Variants in PRDM16 observed in about 807,000 individuals in gnomAD.
PRDM16 encodes histone-lysine N-methyltransferase PRDM16.
In PRDM16, 23 loss-of-function variants were observed where a neutral mutation model predicts 110.6. The observed-to-expected ratio is 0.21, with a 90% CI of 0.15 to 0.29. The LOEUF is 0.29. PRDM16 is among the 10% of genes least tolerant of loss of function. PRDM16 has a pLI of 1.00. For synonymous variants in PRDM16, 799 were observed against 781.8 expected, an observed-to-expected ratio of 1.02 and a Z score of -0.37; for missense variants, 1,615 against 1,794.3, an observed-to-expected ratio of 0.90 and a Z score of 1.81.
rs111941896 is a variant in PRDM16, at chr1:3,114,315, G to A, written c.37+45019G>A. On this transcript the variant is annotated intron_variant, in intron 1 of 16. Coordinates refer to ENST00000270722, the MANE Select transcript of PRDM16 (RefSeq NM_022114.4). ...GAAACGCACACGCACGCACACACAC[G>A]CACACACGCAGTGTAAACAGACGCG... Among the ~76,000 whole-genome samples, 57 of 109,400 alleles carry A rather than the reference G, an allele frequency of 5.2e-4. 1 individual carries two copies. The highest frequency in any genetic ancestry group is 1.7e-3 in the African/African-American group (49 of 28,100). 71.8% of individuals were successfully genotyped at this position (109,400 alleles called of 152,430 possible). A position where few individuals can be genotyped will look rare whatever the true frequency, so the allele number is the denominator to read the frequency against.
intron 1 of PRDM16, among the ~76,000 whole-genome samples, chr1:3,137,385 CAT>C (rs1197851812): frequency 6.6e-6 from 1 of 152,186 alleles, no homozygotes; most frequent in Non-Finnish European, 1.5e-5. Context: ...AAAGCCTCAT[CAT>C]GTGTGAGAGA....
Position 3,244,118 on chromosome 1 carries a change from A to T in PRDM16, c.419A>T (p.Gln140Leu). Residue 140 changes from glutamine (Q) to leucine (L), a missense_variant, in exon 3 of 17, where the codon CAG (glutamine) becomes CTG (leucine). This residue lies in a region of PRDM16 where 416 missense variants were observed against 467.1 expected (regional missense o/e 0.89). Coordinates refer to ENST00000270722, the MANE Select transcript of PRDM16 (RefSeq NM_022114.4). This position sits in a 1 kb window ranked among gnomAD's most constrained non-coding sequence, Gnocchi z 4.1. ...QILTDVEVSP[Q>L]EGCITKISED... ...CTGACGGACGTGGAAGTGTCGCCCC[A>T]GGAAGGCTGCATCACAAAGGTAGGA... 1 of 1,613,944 alleles carries T rather than the reference A, an allele frequency of 6.2e-7. No individual in the cohort carries two copies.
rs1236995508 is a variant in PRDM16, at chr1:3,350,755, C to T, written c.439-34397C>T. On this transcript the variant is annotated intron_variant, in intron 3 of 16. Transcript: ENST00000270722. This position sits in a 1 kb window ranked among gnomAD's most constrained non-coding sequence, Gnocchi z 7.1. The stretch of plus-strand genomic sequence containing the variant: ...CCCTCCCAGGACAAGAGCTTTGTGT[C>T]TGCCGACTTCTTCCCAATGCCGCGT... 1.3e-5 allele frequency among the ~76,000 whole-genome samples: 2 copies of T among 152,166 alleles called. No homozygotes were observed. The highest frequency in any genetic ancestry group is 2.9e-5 in the Non-Finnish European group (2 of 68,036).
chr1:3,408,779 GGCGCGTGAGCCGGTGCGTGTGTGTGA>G (rs1557658686), intron 8 of PRDM16, among the ~76,000 whole-genome samples: 2 of 139,982 alleles, frequency 1.4e-5, no homozygotes, highest in East Asian at 4.4e-4. Flanking sequence ...CATGAGTGTG[GGCGCGTGAGCCGGTGCGTGTGTGTGA>G]GCGCGTGTGG....
intron 1 of PRDM16, among the ~76,000 whole-genome samples, chr1:3,090,272 T>C (rs1053690866): frequency 6.6e-6 from 1 of 152,186 alleles, no homozygotes; most frequent in Non-Finnish European, 1.5e-5. Flanking sequence ...GGCTTGACAC[T>C]GAGGGCTGTG....
chr1:3,312,793 AT>A (rs1641495143), intron 3 of PRDM16, among the ~76,000 whole-genome samples: 1 of 152,322 alleles, frequency 6.6e-6, no homozygotes, highest in Non-Finnish European at 1.5e-5. Context: ...GAGATTCAAC[AT>A]TTTTTCCAGA....
intron 3 of PRDM16, among the ~76,000 whole-genome samples, chr1:3,352,688 C>A (rs1642518207): frequency 6.6e-6 from 1 of 152,196 alleles, no homozygotes; most frequent in South Asian, 2.1e-4. Flanking sequence ...ACTGTCAGGC[C>A]GTTCAGGCCC....
chr1:3,417,945 C>G lies in PRDM16; in HGVS notation c.2809C>G (p.Pro937Ala), dbSNP rs374972823. 5.6e-5 allele frequency: 91 copies of G among 1,613,174 alleles called. No individual in the cohort carries two copies. In the African/African-American group the frequency reaches 8.9e-4, roughly 16 times the overall value. ...CCCCTTCAACTTCCGGTCCCCACCC[C>G]CAACGCTCTCCGACCCCATCCTCAG... ...HHPFNFRSPP[P>A]TLSDPILRKG... The change falls in exon 11 of 17, where the codon CCA becomes GCA. Residue 937 changes from proline (P) to alanine (A), a missense_variant. Around this residue, in one of 5 missense-constraint regions of PRDM16, gnomAD observed 772 missense variants for 748.3 expected, o/e 1.03. Transcript: ENST00000270722.
chr1:3,402,396 A>AT (rs1156705071), intron 5 of PRDM16, among the ~76,000 whole-genome samples: 2 of 152,234 alleles, frequency 1.3e-5, no homozygotes, highest in Non-Finnish European at 2.9e-5. Context: ...ATAATTTATT[A>AT]TATGCACTGG....
intron 3 of PRDM16, among the ~76,000 whole-genome samples, chr1:3,337,465 T>G (rs1418498295): frequency 6.6e-6 from 1 of 152,198 alleles, no homozygotes; most frequent in African/African-American, 2.4e-5. Flanking sequence ...GTGCTTGATT[T>G]CTAAAGCTGG....
rs1557510357 is a variant in PRDM16 at position 3,181,756 on chromosome 1, GGTCTTACACACAGTCTTACACATGCA to G, written c.38-4358_38-4333del. ...GTCTTACACACGGAGTCTTACACAC[GGTCTTACACACAGTCTTACACATGCA>G]GTCTTACACATGCAGTCTTACACAC... On this transcript the variant is annotated intron_variant, in intron 1 of 16. Transcript: ENST00000270722. 7.2e-4 allele frequency among the ~76,000 whole-genome samples: 45 copies of G among 62,458 alleles called. 1 individual carries two copies. The highest frequency in any genetic ancestry group is 1.6e-3 in the African/African-American group (45 of 28,176). The allele number at this position is 62,458 out of a possible 152,430, so 41.0% of individuals were successfully genotyped here.
chr1:3,104,984 G>T (rs1305555697), intron 1 of PRDM16, among the ~76,000 whole-genome samples: 1 of 152,112 alleles, frequency 6.6e-6, no homozygotes, highest in African/African-American at 2.4e-5. Flanking sequence ...AGGCAGGATG[G>T]ACTGTTCTGG....
intron 3 of PRDM16, among the ~76,000 whole-genome samples, chr1:3,260,450 T>C (rs1313660895): frequency 1.3e-5 from 2 of 152,144 alleles, no homozygotes; most frequent in African/African-American, 4.8e-5. Flanking sequence ...AATTTCTTCG[T>C]CTGTAAAGTG....
rs955268496 is a variant in PRDM16 at position 3,244,510 on chromosome 1, G to C, written c.438+373G>C. Among the ~76,000 whole-genome samples the C allele has an allele frequency of 3.3e-5, 5 of 152,174 alleles. No individual in the cohort carries two copies. Among genetic ancestry groups the C allele is most frequent in the Admixed American group, 2.0e-4 (3 of 15,282 alleles). Reference sequence around the variant, plus strand: ...TCTTTGCTGGATACTCTCATGAAAAGAATATGGGGAAGAATTGGCTGCAGA... The same window carrying C: ...TCTTTGCTGGATACTCTCATGAAAACAATATGGGGAAGAATTGGCTGCAGA... On this transcript the variant is annotated intron_variant, in intron 3 of 16. Coordinates refer to ENST00000270722, the MANE Select transcript of PRDM16 (RefSeq NM_022114.4). This position sits in a 1 kb window ranked among gnomAD's most constrained non-coding sequence, Gnocchi z 4.1.
chr1:3,218,019 C>G (rs1166751182), intron 2 of PRDM16, among the ~76,000 whole-genome samples: 1 of 152,246 alleles, frequency 6.6e-6, no homozygotes. Flanking sequence ...TAAATCACCC[C>G]TCATCCAACA....
intron 1 of PRDM16, among the ~76,000 whole-genome samples, chr1:3,113,079 T>C (rs549124214): frequency 6.6e-6 from 1 of 152,366 alleles, no homozygotes; most frequent in African/African-American, 2.4e-5. Flanking sequence ...AGCCAGCCTC[T>C]GTGATACTGG....
chr1:3,162,341 C>T (rs746971277), intron 1 of PRDM16, among the ~76,000 whole-genome samples: 44 of 152,320 alleles, frequency 2.9e-4, no homozygotes, highest in Non-Finnish European at 4.7e-4. Context: ...GACTCTGCCT[C>T]CCTCCTCCCG....
At position 3,290,002 on chromosome 1, in the gene PRDM16, C is replaced by G. The variant is rs1238398724; in HGVS notation, c.438+45865C>G. Among the ~76,000 whole-genome samples, 1 of 151,686 alleles carries G rather than the reference C, an allele frequency of 6.6e-6. No homozygotes were observed. The highest frequency in any genetic ancestry group is 2.0e-4 in the East Asian group (1 of 4,946). ...TCCCACCCCAGGCGCCAGGACCCCA[C>G]TCCTGCCTGGGGCTGCCCCTGCTGC... On this transcript the variant is annotated intron_variant, in intron 3 of 16. Transcript: ENST00000270722. The surrounding 1 kb of genome is among the most constrained non-coding windows in gnomAD (Gnocchi z 4.8).
chr1:3,349,313 C>A (rs568919543), intron 3 of PRDM16, among the ~76,000 whole-genome samples: 1 of 152,132 alleles, frequency 6.6e-6, no homozygotes, highest in South Asian at 2.1e-4. Flanking sequence ...CGCACCGGCA[C>A]GCTGTGAGTG....
Sources: gnomAD v4.1 joint callset for allele counts (sites outside exome capture counted in the v4.1 genomes callset) on GRCh38, gnomAD v4.1.1 for gene constraint, gnomAD v4.1.1 regional missense constraint, Gnocchi (gnomAD v3.1) non-coding constraint, MANE v1.5 for transcripts, NCBI Gene and HGNC (gene_info 2026-07-23, HGNC 2026-07-21) for gene names.